The following RPS6KA2 variants were observed in gnomAD, a reference collection of about 807,000 sequenced individuals.
RPS6KA2 encodes the protein ribosomal protein S6 kinase A2, also known as ribosomal protein S6 kinase alpha-2.
RPS6KA2 carries 42 observed loss-of-function variants against 91.8 expected under a neutral mutation model. The observed-to-expected ratio is 0.46, with a 90% CI of 0.36 to 0.59. The LOEUF is 0.59. Among genes scored for constraint, RPS6KA2 ranks in the 20% least tolerant of loss-of-function variants. The probability of loss-of-function intolerance (pLI) is 0.00; values close to 1 mark genes in which losing one functional copy is unlikely to be tolerated. For missense variants in RPS6KA2, 798 were observed against 978.5 expected (o/e 0.82, Z 2.46); for synonymous variants, 414 against 393.6 (o/e 1.05, Z -0.61).
At chr6:166,844,012 T>TAA (rs3046210) in intron 2 of RPS6KA2, among the ~76,000 whole-genome samples, 2,484 of 148,616 alleles carry the variant, frequency 0.017, 76 homozygotes, top group African/African-American at 0.058. Context: ...CTTAAAGAAA[T>TAA]AAAAAAAAAC....
intron 7 of RPS6KA2, 57 bp from the exon 8 acceptor site, chr6:166,498,707 A>T: frequency 1.3e-6 from 2 of 1,595,360 alleles, no homozygotes; most frequent in South Asian, 1.1e-5. Flanking sequence ...TCGGGGGTCC[A>T]CACTCAGGCG....
chr6:166,723,468 C>T (rs546404460), intron 2 of RPS6KA2, among the ~76,000 whole-genome samples: 23 of 151,790 alleles, frequency 1.5e-4, no homozygotes, highest in South Asian at 1.4e-3. Context: ...ATGTATGCAC[C>T]GCCTTCCTCA....
intron 2 of RPS6KA2, among the ~76,000 whole-genome samples, chr6:166,776,621 T>G (rs1268495698): frequency 6.6e-6 from 1 of 152,222 alleles, no homozygotes; most frequent in Non-Finnish European, 1.5e-5. Flanking sequence ...CTCTGTGGGT[T>G]CACCTGCTCT....
intron 1 of RPS6KA2, among the ~76,000 whole-genome samples, chr6:166,545,093 A>T (rs900299350): frequency 5.9e-5 from 9 of 152,224 alleles, no homozygotes; most frequent in African/African-American, 1.9e-4. Context: ...CGCAGATAGA[A>T]GCTCTGAAAT....
intron 1 of RPS6KA2, among the ~76,000 whole-genome samples, chr6:166,546,750 C>T (rs559723292): frequency 6.6e-6 from 1 of 152,282 alleles, no homozygotes; most frequent in African/African-American, 2.4e-5. Flanking sequence ...AATGTGATCT[C>T]CTCATTCTTT....
intron 1 of RPS6KA2, among the ~76,000 whole-genome samples, chr6:166,555,741 G>A (rs1341783630): frequency 6.6e-6 from 1 of 152,080 alleles, no homozygotes; most frequent in Non-Finnish European, 1.5e-5. Context: ...ATTCTGAAAG[G>A]TGACACAGAA....
chr6:166,596,745 C>G (rs758241741), intron 1 of RPS6KA2, among the ~76,000 whole-genome samples: 6 of 152,270 alleles, frequency 3.9e-5, no homozygotes, highest in Non-Finnish European at 8.8e-5. Flanking sequence ...TAATAAACTC[C>G]CTTTCACATA....
intron 10 of RPS6KA2, among the ~76,000 whole-genome samples, chr6:166,475,574 T>A (rs1780942026): frequency 6.6e-6 from 1 of 152,046 alleles, no homozygotes; most frequent in Admixed American, 6.5e-5. Flanking sequence ...TCGCCCCCAC[T>A]CAAATAGATC....
At chr6:166,503,110 GT>G (rs1712940980) in intron 6 of RPS6KA2, among the ~76,000 whole-genome samples, 1 of 152,210 alleles carries the variant, frequency 6.6e-6, no homozygotes, top group Non-Finnish European at 1.5e-5. Flanking sequence ...CCACGTTTGT[GT>G]TAAGTGCTTA....
intron 2 of RPS6KA2, among the ~76,000 whole-genome samples, chr6:166,745,006 C>T (rs142714246): frequency 1.7e-3 from 258 of 152,246 alleles, no homozygotes; most frequent in Middle Eastern, 3.4e-3. Context: ...TCACTTCTCA[C>T]GGTTCTGGAG....
intron 2 of RPS6KA2, among the ~76,000 whole-genome samples, chr6:166,845,441 A>C (rs189257360): frequency 6.6e-6 from 1 of 152,204 alleles, no homozygotes; most frequent in Non-Finnish European, 1.5e-5. Flanking sequence ...AACATTCTCC[A>C]AGATAGACCA....
In RPS6KA2 at chr6:166,482,370, T is replaced by C. The variant is rs185675346; in HGVS notation, c.907+6463A>G. Among the ~76,000 whole-genome samples the C allele has an allele frequency of 1.8e-4, 28 of 152,320 alleles. 1 individual carries two copies. In the East Asian group the frequency reaches 5.4e-3, roughly 29 times the overall value. On this transcript the variant is annotated intron_variant, in intron 10 of 20. Coordinates refer to ENST00000265678, the MANE Select transcript of RPS6KA2 (RefSeq NM_021135.6). ...ATCGGGGCCCAAGAGCCAAATGTGCTCCAAATCTGGGCCCTCGGTGACTGC... is the reference window on the plus strand; with the variant it reads ...ATCGGGGCCCAAGAGCCAAATGTGCCCCAAATCTGGGCCCTCGGTGACTGC...
At chr6:166,596,243 C>G (rs528082093) in intron 1 of RPS6KA2, among the ~76,000 whole-genome samples, 6 of 152,160 alleles carry the variant, frequency 3.9e-5, no homozygotes, top group Non-Finnish European at 7.4e-5. Flanking sequence ...CAATAATACT[C>G]TGTGTGATGA....
At chr6:166,649,870 G>C (rs755865242) in intron 2 of RPS6KA2, among the ~76,000 whole-genome samples, 1 of 152,132 alleles carries the variant, frequency 6.6e-6, no homozygotes, top group Non-Finnish European at 1.5e-5. Flanking sequence ...GTCTTTCTGC[G>C]AACTTTCATT....
chr6:166,468,856 T>TCCATCTCAAAAAAA (rs567161437), intron 11 of RPS6KA2, among the ~76,000 whole-genome samples: 39 of 112,168 alleles, frequency 3.5e-4, no homozygotes, highest in African/African-American at 1.5e-3. Context: ...AGAGCGAGAC[T>TCCATCTCAAAAAAA]AAAAAAAAAA....
chr6:166,423,629 G>A lies in RPS6KA2; in HGVS notation c.1582-212C>T, dbSNP rs1778809596. Among the ~76,000 whole-genome samples the A allele has an allele frequency of 6.6e-6, 1 of 152,204 alleles. No individual in the cohort carries two copies. The highest frequency in any genetic ancestry group is 1.5e-5 in the Non-Finnish European group (1 of 68,044). ...TCCTGTGGTGGTCACTCACTTCTGA[G>A]CTCCTGGTGTCACCTGCTTTTACAG... is the stretch of plus-strand genomic sequence containing the variant. On this transcript the variant is annotated intron_variant, in intron 16 of 20. Transcript: ENST00000265678. The surrounding 1 kb of genome is among the most constrained non-coding windows in gnomAD (Gnocchi z 4.8).
At chr6:166,564,739 C>G (rs1041167578) in intron 1 of RPS6KA2, among the ~76,000 whole-genome samples, 20 of 152,290 alleles carry the variant, frequency 1.3e-4, no homozygotes, top group Admixed American at 1.2e-3. Flanking sequence ...AAACTGGGAA[C>G]TTTCTATGGG....
At chr6:166,789,986 C>T (rs12205539) in intron 2 of RPS6KA2, among the ~76,000 whole-genome samples, 20,158 of 152,216 alleles carry the variant, frequency 0.13, 1,451 homozygotes, top group Middle Eastern at 0.18. Flanking sequence ...CAGCTCCTCA[C>T]CAGCAATGGA....
chr6:166,625,075 G>A (rs771093326), intron 1 of RPS6KA2, among the ~76,000 whole-genome samples: 10 of 152,058 alleles, frequency 6.6e-5, no homozygotes, highest in African/African-American at 2.4e-4. Flanking sequence ...CTCATAATCC[G>A]CCCGCCTTAG....
Sources: gnomAD v4.1 joint callset for allele counts (sites outside exome capture counted in the v4.1 genomes callset) on GRCh38, gnomAD v4.1.1 for gene constraint, Gnocchi (gnomAD v3.1) non-coding constraint, MANE v1.5 for transcripts, NCBI Gene and HGNC (gene_info 2026-07-23, HGNC 2026-07-21) for gene names.